Variants in RLN2 observed in about 807,000 individuals in gnomAD.
RLN2 encodes relaxin 2.
Under a neutral mutation model 7.3 loss-of-function variants are expected in RLN2, and 10 were observed. That is an observed-to-expected ratio of 1.36 (90% CI 0.84 to 2.31). RLN2 has a LOEUF of 2.31. Ranked by LOEUF, RLN2 falls within the 30% of genes most tolerant of loss-of-function variation. The pLI, the probability that RLN2 is intolerant of heterozygous loss-of-function variation, is 0.00. For synonymous variants in RLN2, 103 were observed against 82.3 expected, an observed-to-expected ratio of 1.25 and a Z score of -1.36; for missense variants, 298 against 217.6, an observed-to-expected ratio of 1.37 and a Z score of -2.32.
chr9:5,334,796 T>C, the RLN2 span, among the ~76,000 whole-genome samples: 1,888 of 152,192 alleles, frequency 0.012, 67 homozygotes, highest in African/African-American at 0.044. Context: ...GTGTCCAAAC[T>C]GATGGTTTGC....
At chr9:5,302,336 G>C (rs879782448) in intron 1 of RLN2, among the ~76,000 whole-genome samples, 8 of 151,962 alleles carry the variant, frequency 5.3e-5, no homozygotes, top group Admixed American at 3.3e-4. Flanking sequence ...TGGTTTAAAG[G>C]GTATCTTATT....
chr9:5,336,911 G>A, the RLN2 span, among the ~76,000 whole-genome samples: 3 of 151,952 alleles, frequency 2.0e-5, no homozygotes, highest in Non-Finnish European at 2.9e-5. Flanking sequence ...ATCATTTCCT[G>A]AGTTTTGTGG....
chr9:5,334,956 A>G, the RLN2 span: 2 of 260,868 alleles, frequency 7.7e-6, no homozygotes, highest in Admixed American at 4.9e-5. Context: ...CTGTATTGTT[A>G]TTATGTATGG....
chr9:5,307,930 G>A (rs1816283812), upstream of RLN2, among the ~76,000 whole-genome samples: 1 of 151,766 alleles, frequency 6.6e-6, no homozygotes, highest in Non-Finnish European at 1.5e-5. Context: ...TCTTTTCCTA[G>A]TTTTGTATTT....
the RLN2 span, among the ~76,000 whole-genome samples, chr9:5,310,741 T>C: frequency 2.0e-5 from 3 of 152,074 alleles, no homozygotes; most frequent in Admixed American, 1.3e-4. Flanking sequence ...AAGTGTTTTA[T>C]AATAAAAAGT....
At chr9:5,336,698 T>C in the RLN2 span, among the ~76,000 whole-genome samples, 13 of 152,224 alleles carry the variant, frequency 8.5e-5, no homozygotes, top group African/African-American at 3.1e-4. Context: ...TAAATTATAG[T>C]GTAAACTCAG....
chr9:5,304,582 C>G lies in RLN2; in HGVS notation c.-2G>C, dbSNP rs768622268. ...GTGGAAAAAAAACAGGCGAGGCATC[C>G]TGGGCCTGGTCTCTCCTGGAGGTCG... On this transcript the variant is annotated 5_prime_UTR_variant, in exon 1 of 2. Coordinates refer to ENST00000381627, the MANE Select transcript of RLN2 (RefSeq NM_134441.3). 8 of 1,613,508 alleles carry G rather than the reference C, an allele frequency of 5.0e-6. No homozygotes were observed. In the East Asian group the frequency reaches 1.3e-4, roughly 27 times the overall value.
At chr9:5,300,498 A>G in intron 1 of RLN2, 54 bp from the exon 2 acceptor site, 2 of 1,162,236 alleles carry the variant, frequency 1.7e-6, no homozygotes, top group South Asian at 1.5e-5. Flanking sequence ...GTCAAAGAGC[A>G]CTCAGAAAAA....
chr9:5,313,856 G>A, the RLN2 span, among the ~76,000 whole-genome samples: 5 of 151,966 alleles, frequency 3.3e-5, no homozygotes, highest in African/African-American at 9.7e-5. Context: ...AGGTGTATTA[G>A]AAACTCTGTA....
the RLN2 span, among the ~76,000 whole-genome samples, chr9:5,330,978 A>G: frequency 1.3e-5 from 2 of 152,102 alleles, no homozygotes; most frequent in East Asian, 3.9e-4. Context: ...ACCTCTACGC[A>G]AATAAACTAG....
chr9:5,331,846 C>G, the RLN2 span, among the ~76,000 whole-genome samples: 1 of 151,912 alleles, frequency 6.6e-6, no homozygotes, highest in African/African-American at 2.4e-5. Flanking sequence ...AATAAATAAA[C>G]TGGTGCAACC....
intron 1 of RLN2, among the ~76,000 whole-genome samples, chr9:5,300,887 A>C (rs950994670): frequency 2.0e-5 from 3 of 152,216 alleles, no homozygotes; most frequent in African/African-American, 7.2e-5. Flanking sequence ...TGAAAAAGAT[A>C]TTACTTTAAG....
At chr9:5,326,383 G>A in the RLN2 span, among the ~76,000 whole-genome samples, 5 of 152,066 alleles carry the variant, frequency 3.3e-5, no homozygotes, top group African/African-American at 1.2e-4. Context: ...AAGTGGTACT[G>A]CCTAAAAGGA....
At chr9:5,326,594 C>A in the RLN2 span, among the ~76,000 whole-genome samples, 1 of 151,956 alleles carries the variant, frequency 6.6e-6, no homozygotes, top group African/African-American at 2.4e-5. Flanking sequence ...TATGGAGGAG[C>A]CAGGTGGGGA....
At chr9:5,318,001 TGTGTGC>T in the RLN2 span, among the ~76,000 whole-genome samples, 30 of 132,680 alleles carry the variant, frequency 2.3e-4, no homozygotes, top group African/African-American at 9.6e-4. Flanking sequence ...ACTATGTGTG[TGTGTGC>T]GTGTGTGTGT....
the RLN2 span, among the ~76,000 whole-genome samples, chr9:5,333,300 G>A: frequency 2.0e-5 from 3 of 150,236 alleles, no homozygotes; most frequent in African/African-American, 7.5e-5. Context: ...GAAGAAAAAG[G>A]AGAAGATTCA....
the RLN2 span, among the ~76,000 whole-genome samples, chr9:5,333,756 A>G: frequency 1.3e-5 from 2 of 152,068 alleles, no homozygotes; most frequent in Non-Finnish European, 2.9e-5. Context: ...ATGAACATCG[A>G]TGCAAAAATC....
chr9:5,318,850 T>C, the RLN2 span, among the ~76,000 whole-genome samples: 4 of 152,036 alleles, frequency 2.6e-5, no homozygotes, highest in Admixed American at 2.6e-4. Flanking sequence ...TGAGCTACTA[T>C]TTTTTCTGGG....
the RLN2 span, among the ~76,000 whole-genome samples, chr9:5,328,083 C>T: frequency 2.0e-5 from 3 of 151,946 alleles, no homozygotes; most frequent in African/African-American, 7.3e-5. Context: ...CAGAAGTAGG[C>T]TTCAGAAGGT....
Sources: allele counts gnomAD v4.1 joint callset (sites outside exome capture counted in the v4.1 genomes callset), GRCh38; gene constraint gnomAD v4.1.1; transcripts MANE v1.5; gene names NCBI Gene and HGNC (gene_info 2026-07-23, HGNC 2026-07-21).